The following TENM3 variants were observed in gnomAD, a reference collection of about 807,000 sequenced individuals.
TENM3 encodes teneurin transmembrane protein 3.
TENM3 carries 63 observed loss-of-function variants against 255.1 expected under a neutral mutation model. That is an observed-to-expected ratio of 0.25 (90% CI 0.20 to 0.30). The LOEUF (loss-of-function observed/expected upper bound fraction) is 0.30. Among genes scored for constraint, TENM3 ranks in the 10% least tolerant of loss-of-function variants. The pLI, the probability that TENM3 is intolerant of heterozygous loss-of-function variation, is 1.00. For synonymous variants in TENM3, 1,306 were observed against 1,322.3 expected, an observed-to-expected ratio of 0.99 and a Z score of 0.27; for missense variants, 2,929 against 3,461.1, an observed-to-expected ratio of 0.85 and a Z score of 3.86.
chr4:181,571,532 C>G, the TENM3 span, among the ~76,000 whole-genome samples: 8 of 152,068 alleles, frequency 5.3e-5, no homozygotes, highest in Non-Finnish European at 1.0e-4. Context: ...GAAACTAGGT[C>G]TCTCCATATT....
chr4:182,256,925 C>A (rs528254064), intron 1 of TENM3, among the ~76,000 whole-genome samples: 1 of 150,830 alleles, frequency 6.6e-6, no homozygotes, highest in South Asian at 2.1e-4. Context: ...AAAAAAAAAA[C>A]GGTACCCGGA....
the TENM3 span, among the ~76,000 whole-genome samples, chr4:181,968,992 C>CTCTCTATA: frequency 5.8e-4 from 67 of 116,092 alleles, no homozygotes; most frequent in South Asian, 8.5e-3. Context: ...CTCTCTCTCT[C>CTCTCTATA]TATATACATA....
the TENM3 span, among the ~76,000 whole-genome samples, chr4:181,922,220 C>T: frequency 6.6e-6 from 1 of 152,110 alleles, no homozygotes; most frequent in Non-Finnish European, 1.5e-5. Flanking sequence ...CTCTGCCTGG[C>T]TTTGGTATCA....
chr4:182,043,505 C>G, the TENM3 span, among the ~76,000 whole-genome samples: 3 of 152,112 alleles, frequency 2.0e-5, no homozygotes, highest in Non-Finnish European at 4.4e-5. Flanking sequence ...CTAAGTTGCT[C>G]TGCTGATATT....
At chr4:181,836,333 A>G in the TENM3 span, among the ~76,000 whole-genome samples, 1 of 152,212 alleles carries the variant, frequency 6.6e-6, no homozygotes, top group African/African-American at 2.4e-5. Context: ...AATTTCATAT[A>G]CAGACACCAC....
At chr4:182,282,673 A>G (rs1041359277) in intron 1 of TENM3, among the ~76,000 whole-genome samples, 6 of 152,048 alleles carry the variant, frequency 3.9e-5, no homozygotes, top group Admixed American at 2.6e-4. Flanking sequence ...CAGTCGGATC[A>G]CCTGAGCTCA....
At chr4:182,638,459 C>T (rs935780427) in intron 5 of TENM3, among the ~76,000 whole-genome samples, 12 of 151,814 alleles carry the variant, frequency 7.9e-5, no homozygotes, top group African/African-American at 2.7e-4. Flanking sequence ...TTGAGTTGGG[C>T]CTAAAGGTGC....
At chr4:182,716,643 TA>T (rs1317036798) in intron 13 of TENM3, among the ~76,000 whole-genome samples, 2 of 152,228 alleles carry the variant, frequency 1.3e-5, no homozygotes, top group African/African-American at 4.8e-5. Context: ...GCTACATGTA[TA>T]AAGATGGTAT....
At chr4:181,561,077 C>T in the TENM3 span, among the ~76,000 whole-genome samples, 10 of 152,116 alleles carry the variant, frequency 6.6e-5, no homozygotes, top group Non-Finnish European at 1.0e-4. Context: ...CTCAGCCTCC[C>T]GAGTAGCTGG....
At chr4:182,609,437 A>G (rs1748772269) in intron 4 of TENM3, among the ~76,000 whole-genome samples, 3 of 152,132 alleles carry the variant, frequency 2.0e-5, no homozygotes, top group African/African-American at 4.8e-5. Context: ...TCTGTTTTCT[A>G]TTACACCAGT....
chr4:181,778,233 A>G, the TENM3 span, among the ~76,000 whole-genome samples: 1 of 152,114 alleles, frequency 6.6e-6, no homozygotes, highest in African/African-American at 2.4e-5. Context: ...TCCGCAGCAA[A>G]AAAAGGATGG....
chr4:181,499,885 T>C, the TENM3 span, among the ~76,000 whole-genome samples: 2 of 152,220 alleles, frequency 1.3e-5, no homozygotes, highest in African/African-American at 2.4e-5. Flanking sequence ...AAAGGTAAAC[T>C]TTCAGAAGTG....
the TENM3 span, chr4:181,905,873 G>A: frequency 2.1e-6 from 1 of 484,880 alleles, no homozygotes; most frequent in South Asian, 1.8e-5. Context: ...TATCTTCACA[G>A]CCTTTCCTCT....
Position 182,474,806 on chromosome 4 carries a change from G to C in TENM3, c.512-126118G>C, listed in dbSNP as rs151259975. ...CTTCTATCATAATTCTATTTTATTT[G>C]ATATTAATATTGTATCCCCTTCTTT... is the stretch of plus-strand genomic sequence containing the variant. On this transcript the variant is annotated intron_variant, in intron 3 of 27. Transcript: ENST00000511685. 3.9e-5 allele frequency among the ~76,000 whole-genome samples: 6 copies of C among 151,916 alleles called. No individual in the cohort carries two copies. In the East Asian group the frequency reaches 1.2e-3, roughly 29 times the overall value.
intron 2 of TENM3, 40 bp from the exon 3 acceptor site, chr4:182,346,611 A>G (rs1764828887): frequency 1.3e-6 from 2 of 1,544,106 alleles, no homozygotes; most frequent in East Asian, 2.2e-5. Context: ...AACACTGAAC[A>G]TATACTCACT....
the TENM3 span, among the ~76,000 whole-genome samples, chr4:181,714,470 A>G: frequency 6.6e-6 from 1 of 152,158 alleles, no homozygotes; most frequent in African/African-American, 2.4e-5. Context: ...GAAAGACAGA[A>G]AAAGAAAACC....
chr4:182,682,801 A>G lies in TENM3; in HGVS notation c.2035+787A>G, dbSNP rs186519053. Among the ~76,000 whole-genome samples the G allele has an allele frequency of 1.0e-3, 153 of 152,142 alleles. 1 individual carries two copies. Among genetic ancestry groups the G allele is most frequent in the Admixed American group, 2.0e-3 (30 of 15,284 alleles). ...AACTCATGAGCTAATTCCATAACTC[A>G]TAAGTTATGGTTTGAGAAGATGCCA... On this transcript the variant is annotated intron_variant, in intron 11 of 27. Coordinates refer to ENST00000511685, the MANE Select transcript of TENM3 (RefSeq NM_001080477.4).
chr4:181,473,777 A>G, the TENM3 span, among the ~76,000 whole-genome samples: 2 of 151,070 alleles, frequency 1.3e-5, no homozygotes, highest in Non-Finnish European at 2.9e-5. Flanking sequence ...GTACACATAC[A>G]TACCTATGTA....
chr4:181,476,146 T>A, the TENM3 span, among the ~76,000 whole-genome samples: 2 of 151,810 alleles, frequency 1.3e-5, no homozygotes, highest in Non-Finnish European at 2.9e-5. Flanking sequence ...TAGAGTAAGA[T>A]GCAAATTCAA....
Sources: allele counts gnomAD v4.1 joint callset (sites outside exome capture counted in the v4.1 genomes callset), GRCh38; gene constraint gnomAD v4.1.1; transcripts MANE v1.5; gene names NCBI Gene and HGNC (gene_info 2026-07-23, HGNC 2026-07-21).